SMC5: variants seen among roughly 807,000 people sequenced by gnomAD.
SMC5 encodes structural maintenance of chromosomes 5, also known as structural maintenance of chromosomes protein 5.
In SMC5, 88 loss-of-function variants were observed where a neutral mutation model predicts 148.3. The observed-to-expected ratio is 0.59, with a 90% CI of 0.50 to 0.71. SMC5 has a LOEUF of 0.71. Among genes scored for constraint, SMC5 ranks in the 30% least tolerant of loss-of-function variants. The pLI, the probability that SMC5 is intolerant of heterozygous loss-of-function variation, is 0.00. For synonymous variants in SMC5, 421 were observed against 432.8 expected (o/e 0.97, Z 0.34); for missense variants, 1,142 against 1,298.9 (o/e 0.88, Z 1.86).
chr9:70,280,542 C>T (rs1172446754), intron 5 of SMC5, among the ~76,000 whole-genome samples: 1 of 152,158 alleles, frequency 6.6e-6, no homozygotes, highest in Non-Finnish European at 1.5e-5. Context: ...AGACCCTAGA[C>T]CAGAACTTGG....
rs528206299 is a variant in SMC5 at position 70,288,378 on chromosome 9, A to AT, written c.1053+2113dup. On this transcript the variant is annotated intron_variant, in intron 8 of 24. Transcript: ENST00000361138. ...TCCTATCACTGATATTTGTGTATCCATTTTTTCCCCCTTATCATATTTGCC... is the reference window on the plus strand; with the variant it reads ...TCCTATCACTGATATTTGTGTATCCATTTTTTTCCCCCTTATCATATTTGCC... 1.7e-3 allele frequency among the ~76,000 whole-genome samples: 256 copies of AT among 151,900 alleles called. 1 individual carries two copies. Among genetic ancestry groups the AT allele is most frequent in the African/African-American group, 5.9e-3 (243 of 41,442 alleles).
At chr9:70,343,841 A>G (rs962241924) in intron 17 of SMC5, among the ~76,000 whole-genome samples, 7 of 151,988 alleles carry the variant, frequency 4.6e-5, no homozygotes, top group African/African-American at 1.7e-4. Context: ...AAATAAGTAA[A>G]TAAATAAATA....
intron 12 of SMC5, among the ~76,000 whole-genome samples, chr9:70,315,177 G>A (rs983358110): frequency 6.6e-6 from 1 of 151,826 alleles, no homozygotes; most frequent in Non-Finnish European, 1.5e-5. Flanking sequence ...ATAATTATAA[G>A]TAAATATCTT....
In SMC5 at chr9:70,267,985, A is replaced by C; in HGVS notation, c.380+10A>C. The stretch of plus-strand genomic sequence containing the variant: ...TGGTTGAAATTGAATTGTAAGTGTT[A>C]AAAGTGCTAAAACTCCTTTTTCCTA... On this transcript the variant is annotated intron_variant, in intron 3 of 24. Coordinates refer to ENST00000361138, the MANE Select transcript of SMC5 (RefSeq NM_015110.4). 2 of 1,605,212 alleles carry C rather than the reference A, an allele frequency of 1.2e-6. No homozygotes were observed. Among genetic ancestry groups the C allele is most frequent in the Non-Finnish European group, 1.7e-6 (2 of 1,176,170 alleles).
In SMC5 at chr9:70,314,799, G is replaced by A; in HGVS notation, c.1636G>A (p.Ala546Thr). The change falls in exon 12 of 25, where the codon GCA becomes ACA. Residue 546 changes from alanine (A) to threonine (T), a missense_variant. By Grantham distance (58) the Ala-to-Thr change is moderately conservative. Around this residue, in one of 5 missense-constraint regions of SMC5, gnomAD observed 743 missense variants for 835.7 expected, o/e 0.89. Coordinates refer to ENST00000361138, the MANE Select transcript of SMC5 (RefSeq NM_015110.4). ...NAVIAPKSSY[A>T]DKAPSRSLNE... Reference sequence around the variant, plus strand: ...TGTTATTGCTCCCAAGAGTTCATATGCAGACAAAGCACCTTCAAGATCTTT... The same window carrying A: ...TGTTATTGCTCCCAAGAGTTCATATACAGACAAAGCACCTTCAAGATCTTT... The A allele has an allele frequency of 6.3e-7, 1 of 1,575,592 alleles. No homozygotes were observed. The highest frequency in any genetic ancestry group is 8.6e-7 in the Non-Finnish European group (1 of 1,159,886).
chr9:70,317,787 C>G (rs557712389), intron 13 of SMC5, among the ~76,000 whole-genome samples: 1 of 152,028 alleles, frequency 6.6e-6, no homozygotes, highest in African/African-American at 2.4e-5. Context: ...TTCTAAAAAA[C>G]TTTAAAAATA....
At position 70,264,405 on chromosome 9, in the gene SMC5, G is replaced by C. The variant is rs1189711630; in HGVS notation, c.287G>C (p.Gly96Ala). ...KSSIVCAICL[G>A]LAGKPAFMGR... is the part of the protein sequence containing the mutation. ...AGCATTGTGTGTGCCATTTGCCTTG[G>C]TTTAGCTGGAAAACCTGCTTTCATG... The change falls in exon 2 of 25, where the codon GGT becomes GCT. Residue 96 changes from glycine to alanine, a missense_variant. Transcript: ENST00000361138. 1 of 1,613,914 alleles carries C rather than the reference G, an allele frequency of 6.2e-7. No homozygotes were observed. The highest frequency in any genetic ancestry group is 1.3e-5 in the African/African-American group (1 of 74,916).
At chr9:70,334,221 A>G (rs1039431866) in intron 17 of SMC5, among the ~76,000 whole-genome samples, 1 of 151,688 alleles carries the variant, frequency 6.6e-6, no homozygotes, top group South Asian at 2.1e-4. Flanking sequence ...TTGCATAGTC[A>G]TATGTAAAAA....
At position 70,286,176 on chromosome 9, in the gene SMC5, C is replaced by G. The variant is rs41312186; in HGVS notation, c.982-24C>G. 4.4e-5 allele frequency: 62 copies of G among 1,404,002 alleles called. 2 individuals are homozygous for G. The highest frequency in any genetic ancestry group is 1.4e-4 in the South Asian group (12 of 84,858). 87.0% of individuals were successfully genotyped at this position (1,404,002 alleles called of 1,614,324 possible). On this transcript the variant is annotated intron_variant, in intron 7 of 24. Transcript: ENST00000361138. ...ATGAGTTTTTAACTAGCTGTCCCCCCCTCTCCCCGGTTTAATTTTACAGGC... is the reference window on the plus strand; with the variant it reads ...ATGAGTTTTTAACTAGCTGTCCCCCGCTCTCCCCGGTTTAATTTTACAGGC...
At chr9:70,286,703 AT>A in intron 8 of SMC5, 1 of 149,714 alleles carries the variant, frequency 6.7e-6, no homozygotes. Flanking sequence ...TACTTAAACT[AT>A]GGAACTTTTC....
chr9:70,280,111 T>A (rs1414759408), intron 5 of SMC5, among the ~76,000 whole-genome samples: 1 of 152,210 alleles, frequency 6.6e-6, no homozygotes, highest in African/African-American at 2.4e-5. Context: ...TCTGAGCTTT[T>A]TATAGTTATT....
intron 4 of SMC5, 81 bp from the exon 5 acceptor site, chr9:70,278,410 A>G (rs1564026472): frequency 2.2e-6 from 3 of 1,346,516 alleles, no homozygotes; most frequent in Non-Finnish European, 3.1e-6. Context: ...CACCTTGACA[A>G]GTGTAAGCAT....
chr9:70,327,285 A>T (rs2036105185), intron 17 of SMC5, among the ~76,000 whole-genome samples: 1 of 152,350 alleles, frequency 6.6e-6, no homozygotes, highest in African/African-American at 2.4e-5. Context: ...TGACTTGGTT[A>T]TCAACAGGAC....
chr9:70,314,720 ATT>A lies in SMC5; in HGVS notation c.1579-19_1579-18del. 1 of 1,262,722 alleles carries A rather than the reference ATT, an allele frequency of 7.9e-7. No individual in the cohort carries two copies. Among genetic ancestry groups the A allele is most frequent in the Non-Finnish European group, 1.1e-6 (1 of 901,220 alleles). 78.2% of individuals were successfully genotyped at this position (1,262,722 alleles called of 1,614,324 possible). Reference sequence around the variant, plus strand: ...GAGAATATATGGTAATTAAAATAATATTTTCTTTTCCCTATATTCAGGTTCGT... The same window carrying A: ...GAGAATATATGGTAATTAAAATAATATTCTTTTCCCTATATTCAGGTTCGT... On this transcript the variant is annotated intron_variant, in intron 11 of 24. Transcript: ENST00000361138.
chr9:70,259,085 A>T lies in SMC5; in HGVS notation c.7A>T (p.Thr3Ser). 6.2e-7 allele frequency: 1 copy of T among 1,603,400 alleles called. No individual in the cohort carries two copies. The highest frequency in any genetic ancestry group is 8.5e-7 in the Non-Finnish European group (1 of 1,174,266). Reference protein sequence around the residue: MATPSKKTSTPSP... With the variant: MASPSKKTSTPSP... Reference sequence around the variant, plus strand: ...GGACGCTGAGGAAGCCAGGATGGCGACTCCGAGCAAGAAGACGTCAACTCC... The same window carrying T: ...GGACGCTGAGGAAGCCAGGATGGCGTCTCCGAGCAAGAAGACGTCAACTCC... Residue 3 changes from threonine (T) to serine (S), a missense_variant, in exon 1 of 25, where the codon ACT becomes TCT. By Grantham distance (58) the Thr-to-Ser change is moderately conservative. Transcript: ENST00000361138.
intron 11 of SMC5, among the ~76,000 whole-genome samples, chr9:70,306,854 T>A (rs1479889075): frequency 6.6e-6 from 1 of 152,234 alleles, no homozygotes; most frequent in Non-Finnish European, 1.5e-5. Context: ...TATTTTAAAT[T>A]GTGAAATTTA....
chr9:70,267,585 T>TTAA (rs1327967569), intron 2 of SMC5, among the ~76,000 whole-genome samples: 1 of 152,152 alleles, frequency 6.6e-6, no homozygotes, highest in African/African-American at 2.4e-5. Context: ...GTCTGGGTGT[T>TTAA]TAATATAGTG....
chr9:70,342,067 T>G (rs1181356106), intron 17 of SMC5, among the ~76,000 whole-genome samples: 22 of 151,144 alleles, frequency 1.5e-4, no homozygotes, highest in African/African-American at 4.4e-4. Flanking sequence ...CCATAAAAAA[T>G]GATGAGTTCA....
intron 3 of SMC5, 143 bp from the exon 4 acceptor site, chr9:70,277,167 G>C (rs770780669): frequency 5.0e-6 from 3 of 597,428 alleles, no homozygotes; most frequent in Non-Finnish European, 7.5e-6. Context: ...TTTCCTTCTT[G>C]AGGGGCCAAA....
Sources: allele counts gnomAD v4.1 joint callset (sites outside exome capture counted in the v4.1 genomes callset), GRCh38; gene constraint gnomAD v4.1.1; regional missense constraint gnomAD v4.1.1; transcripts MANE v1.5; gene names NCBI Gene and HGNC (gene_info 2026-07-23, HGNC 2026-07-21).